ARFIP1: variants seen among roughly 807,000 people sequenced by gnomAD.
ARFIP1 encodes ARF interacting protein 1.
A neutral mutation model predicts 42.5 loss-of-function variants in ARFIP1; 24 were observed. That is an observed-to-expected ratio of 0.57 (90% confidence interval 0.41 to 0.80). ARFIP1 has a LOEUF of 0.80. ARFIP1 is among the 30% of genes least tolerant of loss of function. ARFIP1 has a pLI of 0.00. For missense variants in ARFIP1, 354 were observed against 434.0 expected (o/e 0.82, Z 1.64); for synonymous variants, 141 against 153.7 (o/e 0.92, Z 0.61).
intron 1 of ARFIP1, among the ~76,000 whole-genome samples, chr4:152,787,461 A>G (rs1030005009): frequency 6.6e-6 from 1 of 152,222 alleles, no homozygotes; most frequent in Non-Finnish European, 1.5e-5. Flanking sequence ...CAGCTGCCAT[A>G]TATCTTTTCC....
rs372021726 is a variant in ARFIP1 at position 152,833,772 on chromosome 4, A to G, written c.93+4046A>G. ...GATATTAGGCTAAGTACAATAAGCC[A>G]GACACAGGAAGACAAATACGGCATG... On this transcript the variant is annotated intron_variant, in intron 2 of 8. Coordinates refer to ENST00000353617, the MANE Select transcript of ARFIP1 (RefSeq NM_001025595.3). Among the ~76,000 whole-genome samples the G allele has an allele frequency of 1.7e-4, 26 of 152,364 alleles. 1 individual carries two copies. The East Asian group carries it at 2.9e-3, about 17-fold the overall frequency.
At chr4:152,870,074 A>G (rs1734749898) in intron 3 of ARFIP1, among the ~76,000 whole-genome samples, 2 of 152,248 alleles carry the variant, frequency 1.3e-5, no homozygotes, top group Admixed American at 6.5e-5. Flanking sequence ...ATTTCAAAGT[A>G]CATACAAATC....
chr4:152,841,842 C>T (rs1268605198), intron 2 of ARFIP1, among the ~76,000 whole-genome samples: 1 of 152,104 alleles, frequency 6.6e-6, no homozygotes, highest in Non-Finnish European at 1.5e-5. Flanking sequence ...TCTGGACCAG[C>T]CTGCTAGCCC....
intron 1 of ARFIP1, among the ~76,000 whole-genome samples, chr4:152,797,486 T>C (rs1731539333): frequency 1.3e-5 from 2 of 152,258 alleles, no homozygotes; most frequent in Non-Finnish European, 2.9e-5. Flanking sequence ...TGCCAAACTT[T>C]ACAAAATAGC....
chr4:152,818,159 T>C (rs1018911499), intron 1 of ARFIP1, among the ~76,000 whole-genome samples: 3 of 152,234 alleles, frequency 2.0e-5, no homozygotes, highest in African/African-American at 7.2e-5. Context: ...AAATTCACAC[T>C]GTGAACATTT....
chr4:152,887,320 A>T (rs1008423529), intron 7 of ARFIP1, among the ~76,000 whole-genome samples: 1 of 151,994 alleles, frequency 6.6e-6, no homozygotes, highest in Non-Finnish European at 1.5e-5. Context: ...ATCTTACAGA[A>T]CACAGGATGG....
rs1031384806 is a variant in ARFIP1, at chr4:152,810,861, T to C, written c.-9-18764T>C. 7.2e-5 allele frequency among the ~76,000 whole-genome samples: 11 copies of C among 152,214 alleles called. 1 individual carries two copies. The highest frequency in any genetic ancestry group is 4.1e-4 in the South Asian group (2 of 4,822). ...TTCCACATCTCTTCCTACTATATGATAGTGTGCTGCTGCGTATCTCTTTCT... is the reference window on the plus strand; with the variant it reads ...TTCCACATCTCTTCCTACTATATGACAGTGTGCTGCTGCGTATCTCTTTCT... On this transcript the variant is annotated intron_variant, in intron 1 of 8. Transcript: ENST00000353617.
intron 1 of ARFIP1, among the ~76,000 whole-genome samples, chr4:152,821,520 T>G (rs936494522): frequency 6.6e-6 from 1 of 151,956 alleles, no homozygotes; most frequent in Non-Finnish European, 1.5e-5. Flanking sequence ...ACTTAACAAT[T>G]ATAGGTGTTC....
intron 2 of ARFIP1, among the ~76,000 whole-genome samples, chr4:152,843,706 G>A (rs984089735): frequency 6.6e-5 from 10 of 152,076 alleles, no homozygotes; most frequent in Admixed American, 4.6e-4. Flanking sequence ...GGGGAAAGCC[G>A]GCAGTCACAG....
chr4:152,843,259 T>C (rs1417837923), intron 2 of ARFIP1, among the ~76,000 whole-genome samples: 1 of 152,180 alleles, frequency 6.6e-6, no homozygotes, highest in African/African-American at 2.4e-5. Flanking sequence ...CACAGAGTCC[T>C]GTGATGTGAA....
intron 1 of ARFIP1, among the ~76,000 whole-genome samples, chr4:152,824,026 C>T (rs1398928487): frequency 6.6e-6 from 1 of 151,880 alleles, no homozygotes; most frequent in African/African-American, 2.4e-5. Context: ...AATAATTCCC[C>T]ATGAGGCCAG....
intron 3 of ARFIP1, among the ~76,000 whole-genome samples, chr4:152,864,346 T>G (rs1038410604): frequency 1.3e-5 from 2 of 152,186 alleles, no homozygotes; most frequent in Non-Finnish European, 2.9e-5. Context: ...AATCAGCAAT[T>G]TGCTAGGAGA....
At chr4:152,896,531 A>C (rs1187790351) in intron 8 of ARFIP1, among the ~76,000 whole-genome samples, 1 of 152,234 alleles carries the variant, frequency 6.6e-6, no homozygotes, top group Non-Finnish European at 1.5e-5. Context: ...TAAGAAAAGA[A>C]GGAAGAATGT....
intron 1 of ARFIP1, among the ~76,000 whole-genome samples, chr4:152,825,276 G>A (rs2149842874): frequency 6.6e-6 from 1 of 152,126 alleles, no homozygotes; most frequent in South Asian, 2.1e-4. Context: ...AAATCTAGAG[G>A]CATCACATTA....
chr4:152,841,883 A>G (rs1473127091), intron 2 of ARFIP1, among the ~76,000 whole-genome samples: 3 of 152,058 alleles, frequency 2.0e-5, no homozygotes, highest in Admixed American at 1.3e-4. Flanking sequence ...CATCGAAGGC[A>G]CCCGTCTCGA....
intron 1 of ARFIP1, among the ~76,000 whole-genome samples, chr4:152,823,154 G>C (rs1477852666): frequency 6.6e-6 from 1 of 152,116 alleles, no homozygotes; most frequent in African/African-American, 2.4e-5. Context: ...CTCGCTAGAT[G>C]AACCAAGAAA....
intron 1 of ARFIP1, among the ~76,000 whole-genome samples, chr4:152,788,178 G>A (rs541728978): frequency 6.6e-6 from 1 of 152,346 alleles, no homozygotes; most frequent in East Asian, 1.9e-4. Flanking sequence ...GTTGCAGTGA[G>A]CCGAGATCGT....
chr4:152,805,051 A>G (rs1335491294), intron 1 of ARFIP1, among the ~76,000 whole-genome samples: 8 of 152,200 alleles, frequency 5.3e-5, no homozygotes, highest in Non-Finnish European at 8.8e-5. Context: ...TAAACTCTCA[A>G]TAAAGGCCAG....
At chr4:152,810,276 T>C (rs920274699) in intron 1 of ARFIP1, 2 of 152,230 alleles carry the variant, frequency 1.3e-5, no homozygotes, top group Non-Finnish European at 2.9e-5. Context: ...AAAAGCTGAT[T>C]GGTAAATTTT....
Sources: gnomAD v4.1 joint callset for allele counts (sites outside exome capture counted in the v4.1 genomes callset) on GRCh38, gnomAD v4.1.1 for gene constraint, MANE v1.5 for transcripts, NCBI Gene and HGNC (gene_info 2026-07-23, HGNC 2026-07-21) for gene names.